SNX24: variants seen among roughly 807,000 people sequenced by gnomAD.
SNX24 encodes the protein sorting nexin 24.
A neutral mutation model predicts 28.7 loss-of-function variants in SNX24; 22 were observed. The observed-to-expected ratio is 0.77, with a 90% confidence interval of 0.55 to 1.10. SNX24 has a LOEUF of 1.10. Among genes scored for constraint, SNX24 ranks in the 50% least tolerant of loss-of-function variants. SNX24 has a pLI of 0.00. For missense variants in SNX24, 221 were observed against 201.1 expected (o/e 1.10, Z -0.60); for synonymous variants, 69 against 71.5 (o/e 0.96, Z 0.18).
intron 1 of SNX24, among the ~76,000 whole-genome samples, chr5:122,916,154 A>G (rs1410747514): frequency 1.3e-5 from 2 of 152,386 alleles, no homozygotes; most frequent in South Asian, 2.1e-4. Flanking sequence ...CCAAGATAGC[A>G]TGGCCACTTA....
At chr5:122,998,270 G>A (rs1762120246) in intron 3 of SNX24, 1 of 152,048 alleles carries the variant, frequency 6.6e-6, no homozygotes, top group African/African-American at 2.4e-5. Context: ...ACGGATGAAT[G>A]CATTGGTAGA....
intron 1 of SNX24, among the ~76,000 whole-genome samples, chr5:122,934,617 C>A (rs1362332634): frequency 6.6e-6 from 1 of 152,212 alleles, no homozygotes; most frequent in African/African-American, 2.4e-5. Flanking sequence ...CTCGGCCTCG[C>A]AAAGTGCTGG....
intron 1 of SNX24, among the ~76,000 whole-genome samples, chr5:122,849,214 G>C (rs867031926): frequency 6.6e-6 from 1 of 152,170 alleles, no homozygotes; most frequent in Non-Finnish European, 1.5e-5. Flanking sequence ...AGTGTACTAA[G>C]TAATTTACCT....
At position 122,953,354 on chromosome 5, in the gene SNX24, C is replaced by T. The variant is rs188472552; in HGVS notation, c.249+7195C>T. Among the ~76,000 whole-genome samples the T allele has an allele frequency of 9.2e-3, 1,394 of 152,312 alleles. 8 individuals are homozygous for T. The highest frequency in any genetic ancestry group is 0.014 in the Non-Finnish European group (980 of 68,014). On this transcript the variant is annotated intron_variant, in intron 3 of 6. Coordinates refer to ENST00000261369, the MANE Select transcript of SNX24 (RefSeq NM_014035.4). Reference sequence around the variant, plus strand: ...TCCTGACCTCAAATGATCCTCCCGTCTTGGCCTCCCAGAGTGCTAGGATTA... The same window carrying T: ...TCCTGACCTCAAATGATCCTCCCGTTTTGGCCTCCCAGAGTGCTAGGATTA...
chr5:122,894,357 T>C (rs1374450857), intron 1 of SNX24, among the ~76,000 whole-genome samples: 2 of 152,146 alleles, frequency 1.3e-5, no homozygotes, highest in Non-Finnish European at 2.9e-5. Context: ...TCTCTTGTTA[T>C]ATATGTCCCT....
intron 1 of SNX24, among the ~76,000 whole-genome samples, chr5:122,846,876 C>A (rs1347533472): frequency 6.6e-6 from 1 of 151,788 alleles, no homozygotes; most frequent in African/African-American, 2.4e-5. Context: ...ATAAATAATC[C>A]TTTCCAGTGC....
intron 1 of SNX24, among the ~76,000 whole-genome samples, chr5:122,893,733 T>G (rs566778701): frequency 7.4e-4 from 112 of 152,310 alleles, no homozygotes; most frequent in African/African-American, 2.7e-3. Context: ...GTTTGTACAG[T>G]TAGAGTTCTG....
intron 6 of SNX24, among the ~76,000 whole-genome samples, chr5:123,004,415 TGTTTCTCCTCCTTCAAACA>T (rs1253087597): frequency 2.0e-5 from 3 of 152,222 alleles, no homozygotes; most frequent in Non-Finnish European, 4.4e-5. Flanking sequence ...CATGTTGATC[TGTTTCTCCTCCTTCAAACA>T]GTGTCTCCCC....
At chr5:122,953,089 CCCTTT>C (rs767301392) in intron 3 of SNX24, among the ~76,000 whole-genome samples, 16 of 151,302 alleles carry the variant, frequency 1.1e-4, no homozygotes, top group African/African-American at 2.4e-4. Context: ...TTTTTTCCTT[CCCTTT>C]CCTTTCCTTT....
chr5:123,019,619 A>G (rs1762734612), intron 5 of SNX24, among the ~76,000 whole-genome samples: 1 of 152,270 alleles, frequency 6.6e-6, no homozygotes, highest in Admixed American at 6.5e-5. Context: ...TAAGAGAACA[A>G]AATAAATTAT....
chr5:122,993,401 C>T (rs1013214299), intron 3 of SNX24, among the ~76,000 whole-genome samples: 4 of 151,276 alleles, frequency 2.6e-5, no homozygotes, highest in African/African-American at 9.7e-5. Context: ...CGGGTTCATG[C>T]CATTCTCCTG....
At chr5:122,874,124 T>C (rs1380786623) in intron 1 of SNX24, among the ~76,000 whole-genome samples, 1 of 152,194 alleles carries the variant, frequency 6.6e-6, no homozygotes, top group Non-Finnish European at 1.5e-5. Flanking sequence ...TTAAATCAGC[T>C]CATCCTGTAT....
At chr5:122,858,377 T>C (rs1755304727) in intron 1 of SNX24, among the ~76,000 whole-genome samples, 1 of 152,198 alleles carries the variant, frequency 6.6e-6, no homozygotes, top group South Asian at 2.1e-4. Flanking sequence ...AAACTTTAAT[T>C]TGTAATAAAT....
intron 3 of SNX24, among the ~76,000 whole-genome samples, chr5:122,975,322 A>G (rs1761121477): frequency 6.6e-6 from 1 of 151,920 alleles, no homozygotes; most frequent in Non-Finnish European, 1.5e-5. Context: ...ATGATATTTG[A>G]TATTATTTTA....
At chr5:122,972,033 A>T (rs1010106437) in intron 3 of SNX24, among the ~76,000 whole-genome samples, 1 of 152,122 alleles carries the variant, frequency 6.6e-6, no homozygotes, top group Non-Finnish European at 1.5e-5. Flanking sequence ...CTTGTATTCC[A>T]CTCATACTCT....
At chr5:123,026,917 G>A (rs1371371122) in intron 5 of SNX24, among the ~76,000 whole-genome samples, 1 of 152,148 alleles carries the variant, frequency 6.6e-6, no homozygotes, top group East Asian at 1.9e-4. Context: ...GAAGTAGGCT[G>A]GGTGCAGTGG....
At chr5:122,922,464 G>A (rs748900479) in intron 1 of SNX24, among the ~76,000 whole-genome samples, 1 of 151,970 alleles carries the variant, frequency 6.6e-6, no homozygotes, top group East Asian at 1.9e-4. Context: ...TGTTGGCCAC[G>A]CTGGTCTCGA....
chr5:123,008,157 T>C lies in SNX24; in HGVS notation c.*408T>C. 1 of 993,640 alleles carries C rather than the reference T, an allele frequency of 1.0e-6. No individual in the cohort carries two copies. The highest frequency in any genetic ancestry group is 1.2e-6 in the Non-Finnish European group (1 of 835,788). 61.6% of individuals were successfully genotyped at this position (993,640 alleles called of 1,614,324 possible). ...TGGTAGCTTTTTTGTTCAGATCTTA[T>C]GACACACTACTCTTCTCACCGTGAG... On this transcript the variant is annotated 3_prime_UTR_variant, in exon 7 of 7. Coordinates refer to ENST00000261369, the MANE Select transcript of SNX24 (RefSeq NM_014035.4).
At chr5:122,946,869 A>C (rs550789353) in intron 3 of SNX24, among the ~76,000 whole-genome samples, 8 of 152,288 alleles carry the variant, frequency 5.3e-5, no homozygotes, top group African/African-American at 1.9e-4. Flanking sequence ...AGTCCAAAGA[A>C]CACTGTGCAG....
Sources: gnomAD v4.1 joint callset for allele counts (sites outside exome capture counted in the v4.1 genomes callset) on GRCh38, gnomAD v4.1.1 for gene constraint, MANE v1.5 for transcripts, NCBI Gene and HGNC (gene_info 2026-07-23, HGNC 2026-07-21) for gene names.